The following MAN2A1 variants were observed in gnomAD, a reference collection of about 807,000 sequenced individuals.
MAN2A1 encodes the protein alpha-mannosidase 2.
A neutral mutation model predicts 142.6 loss-of-function variants in MAN2A1; 76 were observed. That is an observed-to-expected ratio of 0.53 (90% CI 0.44 to 0.65). The LOEUF (loss-of-function observed/expected upper bound fraction) is 0.65. Ranked by LOEUF, MAN2A1 falls within the 30% of genes least tolerant of loss-of-function variation. The pLI is 0.00. For missense variants in MAN2A1, 1,311 were observed against 1,365.1 expected (o/e 0.96, Z 0.62); for synonymous variants, 559 against 473.2 (o/e 1.18, Z -2.35).
chr5:109,769,374 C>T (rs1047415034), intron 6 of MAN2A1, among the ~76,000 whole-genome samples: 9 of 152,100 alleles, frequency 5.9e-5, no homozygotes, highest in African/African-American at 9.7e-5. Context: ...AGCTTGTTCA[C>T]GTGTTCGAGT....
chr5:109,786,924 C>T (rs1415837025), intron 10 of MAN2A1, among the ~76,000 whole-genome samples: 2 of 151,982 alleles, frequency 1.3e-5, no homozygotes, highest in East Asian at 1.9e-4. Context: ...TCTGCAGTGT[C>T]ATCAGGCATT....
chr5:109,773,682 T>C (rs1005098642), intron 7 of MAN2A1, among the ~76,000 whole-genome samples: 1 of 152,184 alleles, frequency 6.6e-6, no homozygotes, highest in Admixed American at 6.5e-5. Flanking sequence ...TAAAATTTTA[T>C]ATTTGCAAAG....
chr5:109,717,531 A>G (rs1751489480), intron 3 of MAN2A1, among the ~76,000 whole-genome samples: 1 of 152,148 alleles, frequency 6.6e-6, no homozygotes, highest in African/African-American at 2.4e-5. Context: ...CCTATCTTTG[A>G]TCTTAATGTC....
chr5:109,766,630 C>G (rs1752998580), intron 5 of MAN2A1, among the ~76,000 whole-genome samples: 1 of 151,990 alleles, frequency 6.6e-6, no homozygotes, highest in African/African-American at 2.4e-5. Flanking sequence ...TCTAATTTAA[C>G]TCGTTTTTGT....
intron 6 of MAN2A1, among the ~76,000 whole-genome samples, chr5:109,767,916 A>C (rs1753037211): frequency 6.6e-6 from 1 of 152,192 alleles, no homozygotes; most frequent in Admixed American, 6.5e-5. Flanking sequence ...GCATAGGAGA[A>C]TCTTTTTATG....
intron 3 of MAN2A1, among the ~76,000 whole-genome samples, chr5:109,726,584 G>A (rs1241853774): frequency 6.6e-6 from 1 of 152,162 alleles, no homozygotes; most frequent in African/African-American, 2.4e-5. Flanking sequence ...TGAATGAAGT[G>A]TTGAAGGCAA....
chr5:109,822,140 T>C (rs1754641088), intron 15 of MAN2A1, among the ~76,000 whole-genome samples: 1 of 151,240 alleles, frequency 6.6e-6, no homozygotes, highest in Non-Finnish European at 1.5e-5. Flanking sequence ...GTTTTTGTTT[T>C]TGGTTTTTTT....
intron 4 of MAN2A1, among the ~76,000 whole-genome samples, chr5:109,737,822 G>A (rs1262455499): frequency 6.6e-6 from 1 of 152,134 alleles, no homozygotes; most frequent in Non-Finnish European, 1.5e-5. Flanking sequence ...CTTGAAAAAG[G>A]CCTAAAGTTT....
At chr5:109,772,076 A>G (rs1016315834) in intron 7 of MAN2A1, among the ~76,000 whole-genome samples, 5 of 152,194 alleles carry the variant, frequency 3.3e-5, no homozygotes, top group African/African-American at 1.2e-4. Flanking sequence ...GAATGAGTCT[A>G]TATAATACTT....
chr5:109,776,680 A>T (rs1464045026), intron 8 of MAN2A1, among the ~76,000 whole-genome samples: 1 of 152,174 alleles, frequency 6.6e-6, no homozygotes, highest in Non-Finnish European at 1.5e-5. Flanking sequence ...TTGCAAGTTT[A>T]AAAGTCTCCA....
Position 109,713,700 on chromosome 5 carries a change from C to A in MAN2A1, c.316C>A (p.Gln106Lys). 5 of 1,614,172 alleles carry A rather than the reference C, an allele frequency of 3.1e-6. No individual in the cohort carries two copies. The highest frequency in any genetic ancestry group is 4.2e-6 in the Non-Finnish European group (5 of 1,180,020). ...QGAGSHLLPS[Q>K]LSLSVDTADC... ...TGCTGGCTCACATCTTCTGCCCTCACAATTATCCCTCTCAGTTGACACTGC... is the reference window on the plus strand; with the variant it reads ...TGCTGGCTCACATCTTCTGCCCTCAAAATTATCCCTCTCAGTTGACACTGC... The change falls in exon 2 of 22, where the codon CAA becomes AAA. Residue 106 changes from glutamine (Q) to lysine (K), a missense_variant. Physicochemically the swap from Gln to Lys is moderately conservative, Grantham distance 53. This residue lies in a region of MAN2A1 where 409 missense variants were observed against 412.7 expected (regional missense o/e 0.99). Transcript: ENST00000261483.
At chr5:109,837,664 A>G (rs1337958440) in intron 16 of MAN2A1, among the ~76,000 whole-genome samples, 3 of 152,190 alleles carry the variant, frequency 2.0e-5, no homozygotes, top group Non-Finnish European at 4.4e-5. Flanking sequence ...TCATTGCGAC[A>G]TAGCTGCCAC....
intron 7 of MAN2A1, among the ~76,000 whole-genome samples, chr5:109,772,238 G>A (rs1052631043): frequency 3.3e-5 from 5 of 152,018 alleles, no homozygotes; most frequent in African/African-American, 4.8e-5. Flanking sequence ...CTATGGCGGC[G>A]TGTGCCTGTA....
chr5:109,707,373 A>G (rs946929710), intron 1 of MAN2A1, among the ~76,000 whole-genome samples: 2 of 152,052 alleles, frequency 1.3e-5, no homozygotes, highest in Admixed American at 6.6e-5. Context: ...GTTACATGCC[A>G]TTTTTCTTTC....
intron 1 of MAN2A1, among the ~76,000 whole-genome samples, chr5:109,696,680 T>C (rs1350842467): frequency 6.6e-6 from 1 of 152,200 alleles, no homozygotes; most frequent in African/African-American, 2.4e-5. Context: ...ACCAACAATG[T>C]CTCCAGACAC....
At chr5:109,743,519 C>T (rs1248380108) in intron 4 of MAN2A1, among the ~76,000 whole-genome samples, 1 of 151,908 alleles carries the variant, frequency 6.6e-6, no homozygotes, top group Non-Finnish European at 1.5e-5. Flanking sequence ...GAAATAGGAC[C>T]CAAGCCAGGC....
chr5:109,762,413 A>C (rs1025544614), intron 5 of MAN2A1, among the ~76,000 whole-genome samples: 1 of 152,132 alleles, frequency 6.6e-6, no homozygotes, highest in African/African-American at 2.4e-5. Context: ...AGTTGGCAAC[A>C]GGTGCATGTG....
At chr5:109,736,123 C>G (rs563541870) in intron 4 of MAN2A1, among the ~76,000 whole-genome samples, 1 of 151,956 alleles carries the variant, frequency 6.6e-6, no homozygotes, top group Non-Finnish European at 1.5e-5. Context: ...AGTTTTTACA[C>G]TGAAATGTTA....
At chr5:109,804,989 A>G (rs1261420967) in intron 12 of MAN2A1, among the ~76,000 whole-genome samples, 1 of 152,172 alleles carries the variant, frequency 6.6e-6, no homozygotes, top group East Asian at 1.9e-4. Context: ...GTAGATGAAA[A>G]TTACATTTTG....
Sources: gnomAD v4.1 joint callset for allele counts (sites outside exome capture counted in the v4.1 genomes callset) on GRCh38, gnomAD v4.1.1 for gene constraint, gnomAD v4.1.1 regional missense constraint, MANE v1.5 for transcripts, NCBI Gene and HGNC (gene_info 2026-07-23, HGNC 2026-07-21) for gene names.